Variants in YTHDC2 observed in about 807,000 individuals in gnomAD.
YTHDC2 encodes the protein 3'-5' RNA helicase YTHDC2.
Under a neutral mutation model 174.9 loss-of-function variants are expected in YTHDC2, and 45 were observed. The ratio of observed to expected loss-of-function variants is 0.26; its 90% CI spans 0.20 to 0.33. The LOEUF (loss-of-function observed/expected upper bound fraction) is 0.33, where lower values mean the gene tolerates loss of function less well. Among genes scored for constraint, YTHDC2 ranks in the 10% least tolerant of loss-of-function variants. YTHDC2 has a pLI of 1.00. For missense variants in YTHDC2, 1,650 were observed against 1,723.7 expected, an observed-to-expected ratio of 0.96 and a Z score of 0.76; for synonymous variants, 657 against 574.5, an observed-to-expected ratio of 1.14 and a Z score of -2.05.
chr5:113,540,873 G>T, intron 8 of YTHDC2, 95 bp from the exon 9 acceptor site: 1 of 1,209,226 alleles, frequency 8.3e-7, no homozygotes, highest in South Asian at 1.6e-5. Flanking sequence ...CAACTTTTAA[G>T]AGATACCAGA....
At chr5:113,524,901 CA>C in intron 2 of YTHDC2, 79 bp from the exon 3 acceptor site, 4 of 1,042,122 alleles carry the variant, frequency 3.8e-6, no homozygotes, top group Non-Finnish European at 5.3e-6. Flanking sequence ...TTGCTTGAGA[CA>C]TATTTTCTAA....
At chr5:113,538,421 C>T (rs901008889) in intron 7 of YTHDC2, among the ~76,000 whole-genome samples, 2 of 152,092 alleles carry the variant, frequency 1.3e-5, no homozygotes, top group Non-Finnish European at 2.9e-5. Context: ...TCATCTTGAA[C>T]GATATCCCTC....
chr5:113,573,774 G>C (rs140603413), intron 23 of YTHDC2, among the ~76,000 whole-genome samples: 277 of 152,154 alleles, frequency 1.8e-3, no homozygotes, highest in African/African-American at 6.5e-3. Flanking sequence ...GTTGATACTT[G>C]TGATTGCATT....
rs774367338 is a variant in YTHDC2, at chr5:113,541,128, C to G, written c.1359+12C>G. 33 of 1,613,652 alleles carry G rather than the reference C, an allele frequency of 2.0e-5. No homozygotes were observed. Among genetic ancestry groups the G allele is most frequent in the Non-Finnish European group, 2.6e-5 (31 of 1,179,912 alleles). On this transcript the variant is annotated intron_variant, in intron 9 of 29. Coordinates refer to ENST00000161863, the MANE Select transcript of YTHDC2 (RefSeq NM_022828.5). ...TCTTCAGTCAGCTGGTATGACCTCC[C>G]TGGTTTCCCACTCATATTTTGTGTG...
rs1277536710 is a variant in YTHDC2, at chr5:113,545,982, C to T, written c.1496-2559C>T. On this transcript the variant is annotated intron_variant, in intron 10 of 29. Coordinates refer to ENST00000161863, the MANE Select transcript of YTHDC2 (RefSeq NM_022828.5). ...GTCTCGATCTCCTGACCTCGTGATCCGCCCGCCTCGGCCTCCCAAAGTGCT... is the reference window on the plus strand; with the variant it reads ...GTCTCGATCTCCTGACCTCGTGATCTGCCCGCCTCGGCCTCCCAAAGTGCT... Among the ~76,000 whole-genome samples, 9 of 49,904 alleles carry T rather than the reference C, an allele frequency of 1.8e-4. 2 individuals are homozygous for T. The highest frequency in any genetic ancestry group is 1.4e-3 in the African/African-American group (5 of 3,502). The allele number at this position is 49,904 out of a possible 152,430, so 32.7% of individuals were successfully genotyped here. A position where few individuals can be genotyped will look rare whatever the true frequency, so the allele number is the denominator to read the frequency against.
At chr5:113,581,258 A>G in intron 24 of YTHDC2, 159 bp from the exon 25 acceptor site, 1 of 585,676 alleles carries the variant, frequency 1.7e-6, no homozygotes, top group Non-Finnish European at 2.6e-6. Context: ...AATAAATTTT[A>G]TTTCATTCAT....
Position 113,553,633 on chromosome 5 carries a change from A to G in YTHDC2, c.1911A>G (p.Gly637=), listed in dbSNP as rs1776411548. 1 of 1,613,534 alleles carries G rather than the reference A, an allele frequency of 6.2e-7. No homozygotes were observed. The highest frequency in any genetic ancestry group is 8.5e-7 in the Non-Finnish European group (1 of 1,179,574). The change falls in exon 14 of 30, where the codon GGA becomes GGG. Residue 637 remains glycine, a synonymous_variant. Transcript: ENST00000161863. Reference sequence around the variant, plus strand: ...TGCCTGGATATGACGAAATTGTTGGACTGAGAGATCGCATCCTGTTTGATG... The same window carrying G: ...TGCCTGGATATGACGAAATTGTTGGGCTGAGAGATCGCATCCTGTTTGATG... The part of the protein sequence containing the change: ...IFLPGYDEIV[G]LRDRILFDDK...
intron 4 of YTHDC2, among the ~76,000 whole-genome samples, chr5:113,530,468 T>C (rs1299781156): frequency 6.6e-6 from 1 of 152,128 alleles, no homozygotes; most frequent in East Asian, 1.9e-4. Context: ...CAGTATACAT[T>C]CACAACTAAA....
chr5:113,561,045 T>C (rs772351720), intron 17 of YTHDC2, 35 bp from the exon 18 acceptor site: 1 of 1,540,792 alleles, frequency 6.5e-7, no homozygotes, highest in South Asian at 1.2e-5. Flanking sequence ...CCTTTATTCG[T>C]TGTTTGAGTC....
intron 23 of YTHDC2, among the ~76,000 whole-genome samples, chr5:113,574,496 C>T (rs113405310): frequency 0.036 from 5,508 of 152,268 alleles, 144 homozygotes; most frequent in African/African-American, 0.071. Context: ...AGCAGGTGTG[C>T]TGCATTGGTG....
chr5:113,592,206 T>TTA, intron 28 of YTHDC2, 28 bp downstream of exon 28: 4 of 1,560,086 alleles, frequency 2.6e-6, no homozygotes, highest in Non-Finnish European at 3.5e-6. Context: ...TTTTTTTATT[T>TTA]ACTTTTGTTT....
At chr5:113,522,239 TG>T (rs1051197296) in intron 2 of YTHDC2, among the ~76,000 whole-genome samples, 6 of 151,872 alleles carry the variant, frequency 4.0e-5, no homozygotes, top group Admixed American at 3.9e-4. Flanking sequence ...GCTCTTCAGC[TG>T]ATCTTTTAAA....
At chr5:113,576,538 ACCAT>A (rs1778059594) in intron 23 of YTHDC2, among the ~76,000 whole-genome samples, 1 of 152,180 alleles carries the variant, frequency 6.6e-6, no homozygotes, top group African/African-American at 2.4e-5. Flanking sequence ...TCCATACTCA[ACCAT>A]ATTAGCACCG....
At chr5:113,550,140 G>T (rs1776150934) in intron 12 of YTHDC2, among the ~76,000 whole-genome samples, 1 of 151,646 alleles carries the variant, frequency 6.6e-6, no homozygotes, top group African/African-American at 2.4e-5. Flanking sequence ...GGTAAAACCG[G>T]GCAGGTACAG....
intron 18 of YTHDC2, 64 bp from the exon 19 acceptor site, chr5:113,563,309 C>T (rs1340505910): frequency 5.0e-6 from 7 of 1,410,314 alleles, no homozygotes; most frequent in Admixed American, 4.6e-5. Flanking sequence ...CCCATGATTT[C>T]TTTAAATGTG....
At chr5:113,526,161 G>A (rs993087777) in intron 3 of YTHDC2, among the ~76,000 whole-genome samples, 17 of 151,856 alleles carry the variant, frequency 1.1e-4, no homozygotes, top group African/African-American at 3.9e-4. Flanking sequence ...GATCTTATAA[G>A]TATAATGTAC....
chr5:113,569,947 T>C (rs1777605092), intron 23 of YTHDC2, among the ~76,000 whole-genome samples: 1 of 152,228 alleles, frequency 6.6e-6, no homozygotes, highest in Non-Finnish European at 1.5e-5. Flanking sequence ...TTTCATGATA[T>C]TGATTGTTCC....
chr5:113,538,481 C>A (rs1363518679), intron 7 of YTHDC2, among the ~76,000 whole-genome samples: 1 of 152,134 alleles, frequency 6.6e-6, no homozygotes, highest in Non-Finnish European at 1.5e-5. Context: ...CTTTTAGTTC[C>A]TTGAAACACC....
At chr5:113,581,769 A>T in intron 25 of YTHDC2, 60 bp downstream of exon 25, 1 of 1,309,466 alleles carries the variant, frequency 7.6e-7, no homozygotes, top group Non-Finnish European at 1.0e-6. Context: ...TGAATTATTT[A>T]TCTTAGAATC....
Sources: allele counts gnomAD v4.1 joint callset (sites outside exome capture counted in the v4.1 genomes callset), GRCh38; gene constraint gnomAD v4.1.1; transcripts MANE v1.5; gene names NCBI Gene and HGNC (gene_info 2026-07-23, HGNC 2026-07-21).